The following ADGRL3 variants were observed in gnomAD, a reference collection of about 807,000 sequenced individuals.
The protein encoded by ADGRL3 is adhesion G protein-coupled receptor L3.
In ADGRL3, 62 loss-of-function variants were observed where a neutral mutation model predicts 153.5. The observed-to-expected ratio is 0.40, with a 90% CI of 0.33 to 0.50. The LOEUF is 0.50. Ranked by LOEUF, ADGRL3 falls within the 20% of genes least tolerant of loss-of-function variation. The pLI, the probability that ADGRL3 is intolerant of heterozygous loss-of-function variation, is 0.47. For synonymous variants in ADGRL3, 710 were observed against 672.5 expected (o/e 1.06, Z -0.86); for missense variants, 1,641 against 1,859.4 (o/e 0.88, Z 2.16).
intron 1 of ADGRL3, among the ~76,000 whole-genome samples, chr4:61,259,625 C>T (rs1225182926): frequency 6.6e-6 from 1 of 152,112 alleles, no homozygotes; most frequent in African/African-American, 2.4e-5. Flanking sequence ...CTGAACAGCA[C>T]GTCCATATGC....
At chr4:61,534,868 A>C (rs542470701) in intron 4 of ADGRL3, among the ~76,000 whole-genome samples, 1 of 152,138 alleles carries the variant, frequency 6.6e-6, no homozygotes, top group African/African-American at 2.4e-5. Context: ...TTATAAGATC[A>C]TGTCATCAGT....
At chr4:61,275,360 G>A (rs1172975943) in intron 1 of ADGRL3, among the ~76,000 whole-genome samples, 1 of 152,108 alleles carries the variant, frequency 6.6e-6, no homozygotes, top group Non-Finnish European at 1.5e-5. Context: ...AGTCACAAAA[G>A]TTACCATTTA....
chr4:61,455,965 G>A (rs1176590122), intron 2 of ADGRL3, among the ~76,000 whole-genome samples: 1 of 151,940 alleles, frequency 6.6e-6, no homozygotes, highest in Non-Finnish European at 1.5e-5. Flanking sequence ...ACAGGCACCT[G>A]CCACTATGCC....
chr4:61,784,437 C>CT (rs35372290), intron 8 of ADGRL3, among the ~76,000 whole-genome samples: 70,223 of 151,690 alleles, frequency 0.46, 16,588 homozygotes, highest in East Asian at 0.61. Context: ...AGTTGACTCA[C>CT]TTTTTTCCAG....
At chr4:61,763,592 T>C (rs2096938943) in intron 8 of ADGRL3, among the ~76,000 whole-genome samples, 1 of 152,176 alleles carries the variant, frequency 6.6e-6, no homozygotes, top group Non-Finnish European at 1.5e-5. Context: ...CACGGTATAG[T>C]TTCTCATGTG....
chr4:62,032,311 A>G, intron 23 of ADGRL3, among the ~76,000 whole-genome samples: 1 of 151,564 alleles, frequency 6.6e-6, no homozygotes, highest in East Asian at 1.9e-4. Flanking sequence ...TTTAAACACT[A>G]AATATTTTTA....
chr4:61,924,363 A>G (rs2098784934), intron 13 of ADGRL3, among the ~76,000 whole-genome samples: 1 of 152,092 alleles, frequency 6.6e-6, no homozygotes, highest in African/African-American at 2.4e-5. Flanking sequence ...CACACTTTAT[A>G]CATTCACACC....
At chr4:61,665,969 G>A (rs1297637850) in intron 5 of ADGRL3, among the ~76,000 whole-genome samples, 1 of 152,160 alleles carries the variant, frequency 6.6e-6, no homozygotes, top group African/African-American at 2.4e-5. Context: ...TGCCATGTCT[G>A]TTACATTATT....
At chr4:61,795,575 GAAATA>G (rs1247782745) in intron 8 of ADGRL3, among the ~76,000 whole-genome samples, 1 of 152,052 alleles carries the variant, frequency 6.6e-6, no homozygotes, top group African/African-American at 2.4e-5. Flanking sequence ...TACAAGTTGT[GAAATA>G]AAATATATAT....
chr4:61,871,101 A>C (rs1283811736), intron 9 of ADGRL3, among the ~76,000 whole-genome samples: 1 of 146,894 alleles, frequency 6.8e-6, no homozygotes, highest in Non-Finnish European at 1.5e-5. Context: ...ACACGGTGAA[A>C]CCCCGTCTCT....
intron 1 of ADGRL3, among the ~76,000 whole-genome samples, chr4:61,225,183 A>C (rs1275598596): frequency 6.6e-6 from 1 of 152,198 alleles, no homozygotes; most frequent in Admixed American, 6.5e-5. Context: ...CTTTCAGCTT[A>C]GCTGCCTGAC....
At position 61,311,025 on chromosome 4, in the gene ADGRL3, G is replaced by C. The variant is rs575135645; in HGVS notation, c.-239-72099G>C. On this transcript the variant is annotated intron_variant, in intron 1 of 26. Transcript: ENST00000683033. The stretch of plus-strand genomic sequence containing the variant: ...ATCTTAGGCAAGGACATATTACTTT[G>C]TGCCAAATTTCAACTCTAGGAAAAA... Among the ~76,000 whole-genome samples, 6 of 150,944 alleles carry C rather than the reference G, an allele frequency of 4.0e-5. No homozygotes were observed. The South Asian group carries it at 1.3e-3, about 32-fold the overall frequency.
At chr4:61,322,192 G>A (rs904921713) in intron 1 of ADGRL3, among the ~76,000 whole-genome samples, 8 of 152,066 alleles carry the variant, frequency 5.3e-5, no homozygotes, top group Admixed American at 6.6e-5. Context: ...TGTGAGACCC[G>A]TTCACTATTG....
chr4:61,872,000 T>C (rs1209382593), intron 9 of ADGRL3, among the ~76,000 whole-genome samples: 1 of 152,248 alleles, frequency 6.6e-6, no homozygotes, highest in Non-Finnish European at 1.5e-5. Flanking sequence ...ATTTGACTTA[T>C]TTTCATATTT....
At chr4:61,627,625 A>G (rs905681181) in intron 5 of ADGRL3, among the ~76,000 whole-genome samples, 15 of 152,066 alleles carry the variant, frequency 9.9e-5, no homozygotes, top group African/African-American at 2.9e-4. Flanking sequence ...AATCTAAAAA[A>G]CAAACAAACA....
At chr4:61,357,870 T>C (rs2096207661) in intron 1 of ADGRL3, among the ~76,000 whole-genome samples, 1 of 152,142 alleles carries the variant, frequency 6.6e-6, no homozygotes, top group Non-Finnish European at 1.5e-5. Flanking sequence ...AGCAGACACC[T>C]ACATATGATA....
chr4:61,263,552 C>A (rs2092676632), intron 1 of ADGRL3, among the ~76,000 whole-genome samples: 1 of 151,562 alleles, frequency 6.6e-6, no homozygotes, highest in Non-Finnish European at 1.5e-5. Context: ...ATAAACACTT[C>A]TAAATCCTAC....
intron 1 of ADGRL3, among the ~76,000 whole-genome samples, chr4:61,341,410 C>T (rs1249573805): frequency 1.3e-5 from 2 of 151,560 alleles, no homozygotes; most frequent in South Asian, 2.1e-4. Context: ...GTATGAACCT[C>T]GAACCCCTAA....
At chr4:61,695,224 GT>G (rs1158446105) in intron 6 of ADGRL3, among the ~76,000 whole-genome samples, 1 of 152,058 alleles carries the variant, frequency 6.6e-6, no homozygotes, top group Non-Finnish European at 1.5e-5. Context: ...AGAAATCACT[GT>G]TTTTGGCATC....
Sources: gnomAD v4.1 joint callset for allele counts (sites outside exome capture counted in the v4.1 genomes callset) on GRCh38, gnomAD v4.1.1 for gene constraint, MANE v1.5 for transcripts, NCBI Gene and HGNC (gene_info 2026-07-23, HGNC 2026-07-21) for gene names.